The following LAMC1 variants were observed in gnomAD, a reference collection of about 807,000 sequenced individuals.
The protein encoded by LAMC1 is laminin subunit gamma-1.
A neutral mutation model predicts 173.6 loss-of-function variants in LAMC1; 38 were observed. The ratio of observed to expected loss-of-function variants is 0.22; its 90% CI spans 0.17 to 0.29. LAMC1 has a LOEUF of 0.29. Ranked by LOEUF, LAMC1 falls within the 10% of genes least tolerant of loss-of-function variation. The pLI, the probability that LAMC1 is intolerant of heterozygous loss-of-function variation, is 1.00. For missense variants in LAMC1, 1,824 were observed against 2,051.8 expected, an observed-to-expected ratio of 0.89 and a Z score of 2.14; for synonymous variants, 746 against 749.1, an observed-to-expected ratio of 1.00 and a Z score of 0.07.
chr1:183,051,402 A>G (rs144809156), intron 1 of LAMC1, among the ~76,000 whole-genome samples: 221 of 152,300 alleles, frequency 1.5e-3, no homozygotes, highest in African/African-American at 5.1e-3. Context: ...ATCCCCATCA[A>G]GGCACCAGGC....
At chr1:183,104,730 G>A (rs1655925665) in intron 2 of LAMC1, among the ~76,000 whole-genome samples, 1 of 152,152 alleles carries the variant, frequency 6.6e-6, no homozygotes, top group South Asian at 2.1e-4. Context: ...TGTGGGTTCA[G>A]TTGCCCCCCT....
intron 1 of LAMC1, among the ~76,000 whole-genome samples, chr1:183,063,928 C>T (rs1230666197): frequency 1.3e-5 from 2 of 152,250 alleles, no homozygotes; most frequent in South Asian, 4.1e-4. Flanking sequence ...TTACCTCGCA[C>T]GTAGTTCATT....
At chr1:183,094,606 A>G (rs1273653564) in intron 1 of LAMC1, among the ~76,000 whole-genome samples, 1 of 152,238 alleles carries the variant, frequency 6.6e-6, no homozygotes, top group Non-Finnish European at 1.5e-5. Context: ...TATCAAGGCC[A>G]GTCATAGCTG....
At chr1:183,109,910 G>GT (rs1381126358) in intron 3 of LAMC1, among the ~76,000 whole-genome samples, 2 of 152,184 alleles carry the variant, frequency 1.3e-5, no homozygotes, top group African/African-American at 4.8e-5. Flanking sequence ...CCATATGGGG[G>GT]TGAGGTATCT....
Position 183,023,623 on chromosome 1 carries a change from T to G in LAMC1, c.-94T>G. ...GAGTCAGGCCCCTGGGCCCCCAGGC[T>G]CAAGCAGCGAAGCGGCCTCCGGGGG... is the stretch of plus-strand genomic sequence containing the variant. On this transcript the variant is annotated 5_prime_UTR_variant, in exon 1 of 28. Transcript: ENST00000258341. The G allele has an allele frequency of 6.0e-6, 6 of 996,922 alleles. No individual in the cohort carries two copies. The highest frequency in any genetic ancestry group is 7.4e-6 in the Non-Finnish European group (6 of 806,058). 61.8% of individuals were successfully genotyped at this position (996,922 alleles called of 1,614,324 possible). A position where few individuals can be genotyped will look rare whatever the true frequency, so the allele number is the denominator to read the frequency against.
intron 1 of LAMC1, among the ~76,000 whole-genome samples, chr1:183,050,842 G>C (rs1253826162): frequency 1.4e-5 from 2 of 140,604 alleles, no homozygotes; most frequent in African/African-American, 5.3e-5. Context: ...AATGAGCCAA[G>C]ATCGTGCTGT....
At chr1:183,115,431 T>G in intron 5 of LAMC1, 89 bp from the exon 6 acceptor site, 1 of 877,450 alleles carries the variant, frequency 1.1e-6, no homozygotes. Context: ...GGCATTGCTT[T>G]TAATTACCAG....
chr1:183,131,693 T>C (rs1363223769), intron 20 of LAMC1, among the ~76,000 whole-genome samples: 2 of 152,200 alleles, frequency 1.3e-5, no homozygotes, highest in Non-Finnish European at 1.5e-5. Context: ...AGTAACTGAA[T>C]GAAACTAGCA....
chr1:183,087,331 A>G (rs1387677718), intron 1 of LAMC1, among the ~76,000 whole-genome samples: 1 of 152,206 alleles, frequency 6.6e-6, no homozygotes, highest in African/African-American at 2.4e-5. Flanking sequence ...TCTCCCTATA[A>G]AAGGCAACAA....
intron 1 of LAMC1, among the ~76,000 whole-genome samples, chr1:183,035,313 T>C (rs895376550): frequency 5.3e-5 from 8 of 152,190 alleles, no homozygotes; most frequent in Non-Finnish European, 7.3e-5. Context: ...CTCAGCCTCC[T>C]GAGTAGCTAG....
chr1:183,091,259 C>G (rs1428475326), intron 1 of LAMC1, among the ~76,000 whole-genome samples: 1 of 152,112 alleles, frequency 6.6e-6, no homozygotes, highest in Non-Finnish European at 1.5e-5. Flanking sequence ...GAGTGGGTCA[C>G]CAAACTTTTT....
Position 183,117,338 on chromosome 1 carries a change from C to G in LAMC1, c.1583C>G (p.Ala528Gly). The change falls in exon 9 of 28, where the codon GCG becomes GGG. Residue 528 changes from alanine to glycine, a missense_variant. Coordinates refer to ENST00000258341, the MANE Select transcript of LAMC1 (RefSeq NM_002293.4). ...CCTGCAGATGAGGATGGGTGGCGTG[C>G]GGAACAGAGAGATGGCTCTGAAGCA... is the stretch of plus-strand genomic sequence containing the variant. ...TFQIDEDGWR[A>G]EQRDGSEASL... 6.2e-7 allele frequency: 1 copy of G among 1,608,902 alleles called. No homozygotes were observed. The highest frequency in any genetic ancestry group is 8.5e-7 in the Non-Finnish European group (1 of 1,175,868).
chr1:183,063,736 A>G (rs772537693), intron 1 of LAMC1, among the ~76,000 whole-genome samples: 25 of 152,228 alleles, frequency 1.6e-4, no homozygotes, highest in Non-Finnish European at 2.4e-4. Context: ...GAATCATTAT[A>G]AAGAGTTTAG....
chr1:183,116,204 G>A (rs1020435028), intron 6 of LAMC1, among the ~76,000 whole-genome samples: 6 of 151,916 alleles, frequency 3.9e-5, no homozygotes, highest in Admixed American at 1.3e-4. Flanking sequence ...TTGGCTGGGC[G>A]CCTGTGGCTC....
At chr1:183,077,776 G>GTATATA (rs68083893) in intron 1 of LAMC1, among the ~76,000 whole-genome samples, 1,478 of 116,550 alleles carry the variant, frequency 0.013, 53 homozygotes, top group Admixed American at 0.062. Flanking sequence ...TGGCCATTGT[G>GTATATA]TATATATATA....
intron 2 of LAMC1, 92 bp downstream of exon 2, chr1:183,103,724 T>G: frequency 2.7e-6 from 3 of 1,123,364 alleles, no homozygotes; most frequent in Non-Finnish European, 2.5e-6. Context: ...GTCCCACTTC[T>G]GAGGTACGGG....
At chr1:183,035,196 T>A (rs951291038) in intron 1 of LAMC1, among the ~76,000 whole-genome samples, 7 of 152,138 alleles carry the variant, frequency 4.6e-5, no homozygotes, top group Non-Finnish European at 2.9e-5. Flanking sequence ...ATTAAAAAAA[T>A]ATATATGTTT....
chr1:183,102,258 G>A (rs1274732001), intron 1 of LAMC1, among the ~76,000 whole-genome samples: 1 of 152,174 alleles, frequency 6.6e-6, no homozygotes, highest in Non-Finnish European at 1.5e-5. Context: ...CTGTTCTGTG[G>A]GTTTTGTAGG....
At chr1:183,087,627 C>T (rs1470506794) in intron 1 of LAMC1, among the ~76,000 whole-genome samples, 2 of 152,118 alleles carry the variant, frequency 1.3e-5, no homozygotes, top group African/African-American at 4.8e-5. Flanking sequence ...ATCACATGCT[C>T]ATGGCTGAAG....
Sources: gnomAD v4.1 joint callset for allele counts (sites outside exome capture counted in the v4.1 genomes callset) on GRCh38, gnomAD v4.1.1 for gene constraint, MANE v1.5 for transcripts, NCBI Gene and HGNC (gene_info 2026-07-23, HGNC 2026-07-21) for gene names.